The following MAPKAP1 variants were observed in gnomAD, a reference collection of about 807,000 sequenced individuals.
MAPKAP1 encodes the protein MAPK associated protein 1.
In MAPKAP1, 20 loss-of-function variants were observed where a neutral mutation model predicts 65.7. The ratio of observed to expected loss-of-function variants is 0.30; its 90% CI spans 0.21 to 0.44. The LOEUF (loss-of-function observed/expected upper bound fraction) is 0.44. MAPKAP1 is among the 20% of genes least tolerant of loss of function. The probability of loss-of-function intolerance (pLI) is 1.00; values close to 1 mark genes in which losing one functional copy is unlikely to be tolerated. For synonymous variants in MAPKAP1, 222 were observed against 244.3 expected, an observed-to-expected ratio of 0.91 and a Z score of 0.85; for missense variants, 423 against 648.0, an observed-to-expected ratio of 0.65 and a Z score of 3.77.
chr9:125,545,922 T>C (rs1435786656), intron 6 of MAPKAP1, among the ~76,000 whole-genome samples: 1 of 152,206 alleles, frequency 6.6e-6, no homozygotes, highest in Non-Finnish European at 1.5e-5. Context: ...ACTTTTCTTT[T>C]GTTACAGAAT....
intron 7 of MAPKAP1, among the ~76,000 whole-genome samples, chr9:125,511,176 T>C (rs866565808): frequency 1.3e-4 from 18 of 143,804 alleles, no homozygotes; most frequent in Admixed American, 7.4e-4. Flanking sequence ...ATCATCATCA[T>C]CATCATCATC....
chr9:125,636,913 G>C (rs1019833268), intron 4 of MAPKAP1, among the ~76,000 whole-genome samples: 1 of 152,192 alleles, frequency 6.6e-6, no homozygotes, highest in African/African-American at 2.4e-5. Context: ...GTCTAGCTAA[G>C]AAGACATACA....
At chr9:125,587,915 A>T (rs1016182823) in intron 4 of MAPKAP1, among the ~76,000 whole-genome samples, 1 of 152,186 alleles carries the variant, frequency 6.6e-6, no homozygotes, top group African/African-American at 2.4e-5. Context: ...AACCCCAAAA[A>T]TAGCAAGGAT....
intron 4 of MAPKAP1, among the ~76,000 whole-genome samples, chr9:125,620,167 G>GGTGT (rs1179093357): frequency 6.6e-6 from 1 of 152,104 alleles, no homozygotes; most frequent in Non-Finnish European, 1.5e-5. Flanking sequence ...AAATTATCTG[G>GGTGT]GTGTGGTGGG....
At chr9:125,675,448 A>G (rs1226631074) in intron 1 of MAPKAP1, among the ~76,000 whole-genome samples, 1 of 152,216 alleles carries the variant, frequency 6.6e-6, no homozygotes, top group African/African-American at 2.4e-5. Flanking sequence ...CTGAAGGCAC[A>G]TACCAACTTC....
intron 4 of MAPKAP1, among the ~76,000 whole-genome samples, chr9:125,614,395 G>C (rs1479730085): frequency 2.0e-5 from 3 of 152,116 alleles, no homozygotes; most frequent in Non-Finnish European, 4.4e-5. Context: ...AGCCCAAGGT[G>C]GGCAGATCAC....
chr9:125,705,696 G>A (rs1396539826), intron 1 of MAPKAP1, among the ~76,000 whole-genome samples: 1 of 152,152 alleles, frequency 6.6e-6, no homozygotes, highest in African/African-American at 2.4e-5. Flanking sequence ...GAATTCTAGA[G>A]GAAAAATCAT....
intron 3 of MAPKAP1, among the ~76,000 whole-genome samples, chr9:125,660,630 G>C (rs147344191): frequency 6.6e-6 from 1 of 152,048 alleles, no homozygotes; most frequent in Admixed American, 6.6e-5. Context: ...TTTCCCCAAA[G>C]CTCCCACTCC....
In MAPKAP1 at chr9:125,585,539, A is replaced by G. The variant is rs754971399; in HGVS notation, c.671+16T>C. On this transcript the variant is annotated intron_variant, in intron 5 of 11. Transcript: ENST00000265960. ...GACCACAAGAAACTAGAGCAGCCAA[A>G]AAGAGAATGGATTACTTGAGCTTCG... The G allele has an allele frequency of 1.1e-5, 18 of 1,611,308 alleles. No homozygotes were observed. The East Asian group carries it at 3.1e-4, about 28-fold the overall frequency.
intron 1 of MAPKAP1, among the ~76,000 whole-genome samples, chr9:125,687,649 G>C (rs1490433721): frequency 3.3e-5 from 5 of 151,698 alleles, no homozygotes; most frequent in Admixed American, 2.0e-4. Context: ...ACCAGGCATG[G>C]GGGCACATGC....
chr9:125,523,896 T>A (rs537330851), intron 7 of MAPKAP1, among the ~76,000 whole-genome samples: 1 of 152,324 alleles, frequency 6.6e-6, no homozygotes, highest in South Asian at 2.1e-4. Context: ...CCCTGTTCCC[T>A]GCTGTGGGGG....
intron 7 of MAPKAP1, among the ~76,000 whole-genome samples, chr9:125,530,164 GAA>G (rs1829893650): frequency 6.6e-6 from 1 of 152,144 alleles, no homozygotes; most frequent in Admixed American, 6.5e-5. Flanking sequence ...TTTTTTCATA[GAA>G]AGTAGCTAAA....
chr9:125,551,188 T>C (rs1830574186), intron 6 of MAPKAP1, among the ~76,000 whole-genome samples: 1 of 152,172 alleles, frequency 6.6e-6, no homozygotes, highest in Non-Finnish European at 1.5e-5. Flanking sequence ...GCCCTCCTCT[T>C]TTTTTCATTC....
chr9:125,504,580 A>C (rs1223043462), intron 8 of MAPKAP1, among the ~76,000 whole-genome samples: 1 of 152,168 alleles, frequency 6.6e-6, no homozygotes, highest in Non-Finnish European at 1.5e-5. Flanking sequence ...GTTCAAGAGC[A>C]GTCTGGCCAA....
At chr9:125,649,864 T>C (rs780782818) in intron 4 of MAPKAP1, among the ~76,000 whole-genome samples, 41 of 151,926 alleles carry the variant, frequency 2.7e-4, no homozygotes, top group Non-Finnish European at 5.4e-4. Context: ...ACCTGGATTC[T>C]ATGCCCAGCT....
intron 4 of MAPKAP1, among the ~76,000 whole-genome samples, chr9:125,630,346 G>A (rs1833245364): frequency 6.6e-6 from 1 of 151,830 alleles, no homozygotes; most frequent in South Asian, 2.1e-4. Context: ...TGCCCAGGCT[G>A]GTCTTGAAAT....
chr9:125,629,535 A>G (rs1833213596), intron 4 of MAPKAP1, among the ~76,000 whole-genome samples: 1 of 152,220 alleles, frequency 6.6e-6, no homozygotes, highest in Admixed American at 6.5e-5. Flanking sequence ...CAGTATTACT[A>G]CCATATATCT....
intron 1 of MAPKAP1, among the ~76,000 whole-genome samples, chr9:125,691,740 A>C (rs1835177425): frequency 6.6e-6 from 1 of 152,178 alleles, no homozygotes; most frequent in African/African-American, 2.4e-5. Flanking sequence ...ATGCTGTGTA[A>C]ACTCATGAAT....
At chr9:125,532,203 C>T (rs569033246) in intron 7 of MAPKAP1, among the ~76,000 whole-genome samples, 41 of 152,292 alleles carry the variant, frequency 2.7e-4, no homozygotes, top group African/African-American at 9.6e-4. Context: ...ACTCCATGTG[C>T]TCTCTTTCTC....
Sources: gnomAD v4.1 joint callset for allele counts (sites outside exome capture counted in the v4.1 genomes callset) on GRCh38, gnomAD v4.1.1 for gene constraint, MANE v1.5 for transcripts, NCBI Gene and HGNC (gene_info 2026-07-23, HGNC 2026-07-21) for gene names.